ANKRD6: variants seen among roughly 807,000 people sequenced by gnomAD.
ANKRD6 encodes the protein ankyrin repeat domain-containing protein 6.
In ANKRD6, 56 loss-of-function variants were observed where a neutral mutation model predicts 82.3. That is an observed-to-expected ratio of 0.68 (90% CI 0.55 to 0.85). The LOEUF (loss-of-function observed/expected upper bound fraction) is 0.85, where lower values mean the gene tolerates loss of function less well. Ranked by LOEUF, ANKRD6 falls within the 40% of genes least tolerant of loss-of-function variation. The pLI is 0.00. For missense variants in ANKRD6, 852 were observed against 907.6 expected (o/e 0.94, Z 0.79); for synonymous variants, 347 against 352.1 (o/e 0.99, Z 0.16).
At chr6:89,504,570 TA>T (rs35074313) in intron 1 of ANKRD6, among the ~76,000 whole-genome samples, 25,714 of 146,288 alleles carry the variant, frequency 0.18, 2,477 homozygotes, top group East Asian at 0.22. Context: ...CTGGTTAAAT[TA>T]AAAAAAAAAA....
At chr6:89,552,007 C>T (rs1785919823) in intron 1 of ANKRD6, among the ~76,000 whole-genome samples, 2 of 152,180 alleles carry the variant, frequency 1.3e-5, no homozygotes, top group South Asian at 4.1e-4. Flanking sequence ...CATAATGATA[C>T]TGTTGACAAT....
chr6:89,462,269 T>TAATAATAATAAA (rs899537110), intron 1 of ANKRD6, among the ~76,000 whole-genome samples: 3 of 147,928 alleles, frequency 2.0e-5, no homozygotes, highest in African/African-American at 4.9e-5. Context: ...ATAATAATAA[T>TAATAATAATAAA]AAATACATAA....
intron 8 of ANKRD6, 58 bp from the exon 9 acceptor site, chr6:89,617,896 C>T: frequency 1.3e-6 from 2 of 1,530,290 alleles, no homozygotes; most frequent in Non-Finnish European, 1.8e-6. Flanking sequence ...GCCAGCTGGG[C>T]TATGTGCGTG....
intron 1 of ANKRD6, among the ~76,000 whole-genome samples, chr6:89,490,032 T>C (rs145779050): frequency 2.0e-5 from 3 of 152,310 alleles, no homozygotes; most frequent in African/African-American, 7.2e-5. Context: ...CATGACTAAT[T>C]GTATGCTACC....
intron 1 of ANKRD6, among the ~76,000 whole-genome samples, chr6:89,547,585 A>G (rs1209152013): frequency 1.3e-5 from 2 of 151,092 alleles, no homozygotes; most frequent in Non-Finnish European, 2.9e-5. Context: ...TCGGGAAACA[A>G]CTCTTGCCAT....
intron 1 of ANKRD6, among the ~76,000 whole-genome samples, chr6:89,547,509 G>T (rs1290537176): frequency 6.6e-6 from 1 of 152,174 alleles, no homozygotes; most frequent in Non-Finnish European, 1.5e-5. Flanking sequence ...GGGGCAGCCT[G>T]CCCTGCTCAG....
Position 89,546,740 on chromosome 6 carries a change from G to A in ANKRD6, c.-143-20094G>A, listed in dbSNP as rs1281223332. The stretch of plus-strand genomic sequence containing the variant: ...GACCTCCCAAAGTGCTGGGATTATA[G>A]GTATGAGCCTTGCCTATTATATATT... On this transcript the variant is annotated intron_variant, in intron 1 of 15. Transcript: ENST00000339746. Among the ~76,000 whole-genome samples, 4 of 152,196 alleles carry A rather than the reference G, an allele frequency of 2.6e-5. No individual in the cohort carries two copies. In the East Asian group the frequency reaches 5.8e-4, roughly 22 times the overall value.
At chr6:89,442,393 G>A (rs949074515) in intron 1 of ANKRD6, among the ~76,000 whole-genome samples, 3 of 151,992 alleles carry the variant, frequency 2.0e-5, no homozygotes, top group African/African-American at 7.2e-5. Context: ...GGAGGCTAAG[G>A]TGGTCAGATT....
intron 1 of ANKRD6, among the ~76,000 whole-genome samples, chr6:89,523,486 C>G (rs1381930639): frequency 6.6e-6 from 1 of 152,162 alleles, no homozygotes; most frequent in Non-Finnish European, 1.5e-5. Context: ...AGGTACTGAC[C>G]TGTGGCTAGA....
intron 1 of ANKRD6, among the ~76,000 whole-genome samples, chr6:89,527,596 C>T (rs1165044693): frequency 6.9e-5 from 6 of 86,824 alleles, no homozygotes; most frequent in African/African-American, 1.4e-4. Context: ...AGGGAGACTC[C>T]GTCTCAAAAA....
chr6:89,458,458 A>G (rs2127967152), intron 1 of ANKRD6, among the ~76,000 whole-genome samples: 1 of 152,338 alleles, frequency 6.6e-6, no homozygotes, highest in Middle Eastern at 3.4e-3. Context: ...AAACCTCAAA[A>G]GTAGGGAAGT....
In ANKRD6 at chr6:89,444,768, G is replaced by A. The variant is rs370001276; in HGVS notation, c.-144+11393G>A. 5.3e-5 allele frequency among the ~76,000 whole-genome samples: 8 copies of A among 152,276 alleles called. No individual in the cohort carries two copies. In the East Asian group the frequency reaches 1.5e-3, roughly 29 times the overall value. ...GGATCACCTGAGATCAGGAGTTTGA[G>A]ACCAGCCTGGCCAACACAGTGAAAA... is the stretch of plus-strand genomic sequence containing the variant. On this transcript the variant is annotated intron_variant, in intron 1 of 15. Transcript: ENST00000339746.
At chr6:89,545,723 A>T (rs1403454636) in intron 1 of ANKRD6, among the ~76,000 whole-genome samples, 5 of 152,238 alleles carry the variant, frequency 3.3e-5, no homozygotes, top group Non-Finnish European at 4.4e-5. Flanking sequence ...TGTTGTTATA[A>T]CAATGATAAT....
chr6:89,434,142 C>A (rs1043986071), intron 1 of ANKRD6, among the ~76,000 whole-genome samples: 1 of 152,174 alleles, frequency 6.6e-6, no homozygotes, highest in Non-Finnish European at 1.5e-5. Context: ...AGATGGAGTT[C>A]TGACTCCACC....
At chr6:89,449,903 G>A (rs1772601151) in intron 1 of ANKRD6, among the ~76,000 whole-genome samples, 1 of 152,184 alleles carries the variant, frequency 6.6e-6, no homozygotes, top group African/African-American at 2.4e-5. Context: ...TTGAAATGAT[G>A]ACAGAGAATT....
chr6:89,539,788 AG>A (rs1337357382), intron 1 of ANKRD6, among the ~76,000 whole-genome samples: 8 of 146,624 alleles, frequency 5.5e-5, no homozygotes, highest in African/African-American at 2.0e-4. Context: ...CCCTCCACCC[AG>A]CCCCCAATAA....
chr6:89,479,121 C>T (rs1323044839), intron 1 of ANKRD6, among the ~76,000 whole-genome samples: 1 of 152,132 alleles, frequency 6.6e-6, no homozygotes, highest in Non-Finnish European at 1.5e-5. Flanking sequence ...CCTAGATTGG[C>T]ATGTGCATAA....
intron 1 of ANKRD6, among the ~76,000 whole-genome samples, chr6:89,533,496 T>G (rs922623386): frequency 6.6e-6 from 1 of 151,934 alleles, no homozygotes; most frequent in Non-Finnish European, 1.5e-5. Flanking sequence ...CTCTCAGGAG[T>G]CTGGTATTTG....
At chr6:89,515,337 A>G (rs1294039528) in intron 1 of ANKRD6, among the ~76,000 whole-genome samples, 1 of 152,246 alleles carries the variant, frequency 6.6e-6, no homozygotes, top group African/African-American at 2.4e-5. Context: ...AAAGGAAAAC[A>G]TGTCCTCAAA....
Sources: allele counts gnomAD v4.1 joint callset (sites outside exome capture counted in the v4.1 genomes callset), GRCh38; gene constraint gnomAD v4.1.1; transcripts MANE v1.5; gene names NCBI Gene and HGNC (gene_info 2026-07-23, HGNC 2026-07-21).